The following PCDHGA7 variants were observed in gnomAD, a reference collection of about 807,000 sequenced individuals.
The protein encoded by PCDHGA7 is protocadherin gamma-A7.
Under a neutral mutation model 58.3 loss-of-function variants are expected in PCDHGA7, and 44 were observed. The ratio of observed to expected loss-of-function variants is 0.75; its 90% CI spans 0.59 to 0.97. PCDHGA7 has a LOEUF of 0.97. Among genes scored for constraint, PCDHGA7 ranks in the 50% least tolerant of loss-of-function variants. The probability of loss-of-function intolerance (pLI) is 0.00; values close to 1 mark genes in which losing one functional copy is unlikely to be tolerated. For synonymous variants in PCDHGA7, 516 were observed against 504.2 expected (o/e 1.02, Z -0.31); for missense variants, 1,266 against 1,188.7 (o/e 1.06, Z -0.96).
chr5:141,399,988 G>C, intron 1 of PCDHGA7: 1 of 1,612,442 alleles, frequency 6.2e-7, no homozygotes, highest in Non-Finnish European at 8.5e-7. Context: ...GCGCACAGGA[G>C]AGGTGCGCAC....
intron 1 of PCDHGA7, chr5:141,471,546 G>T (rs1271594387): frequency 6.6e-6 from 1 of 152,202 alleles, no homozygotes; most frequent in African/African-American, 2.4e-5. Flanking sequence ...AGCATTTAAG[G>T]TTGCTTTGAC....
chr5:141,509,447 C>T (rs898280593), intron 3 of PCDHGA7, among the ~76,000 whole-genome samples: 2 of 152,128 alleles, frequency 1.3e-5, no homozygotes, highest in Admixed American at 6.5e-5. Context: ...CCTCCTCTCC[C>T]ACCCCCGACC....
chr5:141,425,478 G>A (rs2096877750), intron 1 of PCDHGA7, among the ~76,000 whole-genome samples: 1 of 152,148 alleles, frequency 6.6e-6, no homozygotes, highest in Admixed American at 6.5e-5. Flanking sequence ...AATTCCTATG[G>A]CAACCTACTA....
At chr5:141,403,565 G>A in intron 1 of PCDHGA7, 8 of 1,613,952 alleles carry the variant, frequency 5.0e-6, no homozygotes, top group Non-Finnish European at 6.8e-6. Context: ...CAGGGAGGAG[G>A]CAACTGCCCA....
intron 1 of PCDHGA7, chr5:141,394,137 G>A (rs1406338034): frequency 6.2e-6 from 10 of 1,613,902 alleles, no homozygotes; most frequent in East Asian, 2.2e-5. Context: ...CGCTCTGCAC[G>A]TGGCAGACAT....
Position 141,489,172 on chromosome 5 carries a change from T to G in PCDHGA7, c.2425-5635T>G. 1 of 1,199,026 alleles carries G rather than the reference T, an allele frequency of 8.3e-7. No individual in the cohort carries two copies. Among genetic ancestry groups the G allele is most frequent in the East Asian group, 2.4e-5 (1 of 42,106 alleles). The allele number at this position is 1,199,026 out of a possible 1,614,324, so 74.3% of individuals were successfully genotyped here. ...ACATAAGAGACTTCAGCTGCTGCATTCCAAGCCCTGGGTCTACCTTGGAGA... is the reference window on the plus strand; with the variant it reads ...ACATAAGAGACTTCAGCTGCTGCATGCCAAGCCCTGGGTCTACCTTGGAGA... On this transcript the variant is annotated intron_variant, in intron 1 of 3. Coordinates refer to ENST00000518325, the MANE Select transcript of PCDHGA7 (RefSeq NM_018920.4). This position sits in a 1 kb window ranked among gnomAD's most constrained non-coding sequence, Gnocchi z 4.5.
At position 141,489,335 on chromosome 5, in the gene PCDHGA7, G is replaced by C. The variant is rs138015049; in HGVS notation, c.2425-5472G>C. 1.4e-5 allele frequency: 22 copies of C among 1,607,364 alleles called. No individual in the cohort carries two copies. Among genetic ancestry groups the C allele is most frequent in the Non-Finnish European group, 1.9e-5 (22 of 1,175,842 alleles). The stretch of plus-strand genomic sequence containing the variant: ...TGGGGCTGGGTGTCTGGGCAGCTTC[G>C]TTACTCAGTGGTGGAGGAGTCTGAG... On this transcript the variant is annotated intron_variant, in intron 1 of 3. Transcript: ENST00000518325. This position sits in a 1 kb window ranked among gnomAD's most constrained non-coding sequence, Gnocchi z 4.5.
chr5:141,416,859 G>A (rs1411419006), intron 1 of PCDHGA7: 1 of 151,936 alleles, frequency 6.6e-6, no homozygotes, highest in South Asian at 2.1e-4. Context: ...ATTTTTTTCA[G>A]GTCAGTCAAC....
intron 1 of PCDHGA7, chr5:141,415,634 C>T: frequency 6.3e-7 from 1 of 1,589,948 alleles, no homozygotes; most frequent in East Asian, 2.3e-5. Flanking sequence ...TTCATTTTTA[C>T]TTTTGTTAAA....
chr5:141,455,737 A>T (rs1290390106), intron 1 of PCDHGA7, among the ~76,000 whole-genome samples: 1 of 152,162 alleles, frequency 6.6e-6, no homozygotes, highest in Non-Finnish European at 1.5e-5. Context: ...TTTGCATATC[A>T]AAGGTTGCTG....
chr5:141,441,343 C>T (rs2098240806), intron 1 of PCDHGA7: 1 of 152,368 alleles, frequency 6.6e-6, no homozygotes, highest in African/African-American at 2.4e-5. Flanking sequence ...TAATTAACTA[C>T]ATGCTTGTAA....
At chr5:141,412,935 G>T in intron 1 of PCDHGA7, 1 of 453,864 alleles carries the variant, frequency 2.2e-6, no homozygotes, top group East Asian at 3.4e-5. Flanking sequence ...AACTTCTTAG[G>T]ACTCTGAGCG....
At chr5:141,394,268 C>G in intron 1 of PCDHGA7, 1 of 1,613,946 alleles carries the variant, frequency 6.2e-7, no homozygotes, top group African/African-American at 1.3e-5. Flanking sequence ...AGGAGAATGC[C>G]CAGGTCACTT....
intron 2 of PCDHGA7, among the ~76,000 whole-genome samples, chr5:141,498,976 GGAAGGAAGGAAGGAA>G (rs1562186940): frequency 1.5e-4 from 2 of 13,010 alleles, no homozygotes; most frequent in Admixed American, 2.9e-3. Context: ...AGGGAGGGAA[GGAAGGAAGGAAGGAA>G]GGAAGGAAGG....
intron 1 of PCDHGA7, chr5:141,413,452 AGGATAGACC>A (rs2095643065): frequency 6.2e-7 from 1 of 1,614,124 alleles, no homozygotes; most frequent in Admixed American, 1.7e-5. Context: ...CACCGCGGGC[AGGATAGACC>A]GGGAGGAGCT....
Position 141,490,652 on chromosome 5 carries a change from C to T in PCDHGA7, c.2425-4155C>T, listed in dbSNP as rs1277273880. The T allele has an allele frequency of 1.2e-6, 2 of 1,614,208 alleles. No individual in the cohort carries two copies. The highest frequency in any genetic ancestry group is 1.7e-6 in the Non-Finnish European group (2 of 1,180,026). On this transcript the variant is annotated intron_variant, in intron 1 of 3. Coordinates refer to ENST00000518325, the MANE Select transcript of PCDHGA7 (RefSeq NM_018920.4). The surrounding 1 kb of genome is among the most constrained non-coding windows in gnomAD (Gnocchi z 5.4). ...ATCCTAGAAAACCGGCCTCCGGGCT[C>T]CCTTCTTTGCACTGTGGCTGCCTCA...
intron 1 of PCDHGA7, among the ~76,000 whole-genome samples, chr5:141,444,726 G>C (rs1296177763): frequency 6.6e-6 from 1 of 152,048 alleles, no homozygotes; most frequent in African/African-American, 2.4e-5. Flanking sequence ...TGGTGCCTTT[G>C]TTGAAAGTCA....
chr5:141,395,066 G>GACC, intron 1 of PCDHGA7: 1 of 1,614,136 alleles, frequency 6.2e-7, no homozygotes, highest in Non-Finnish European at 8.5e-7. Flanking sequence ...CTTTCCTGCA[G>GACC]ACCTATTCCC....
chr5:141,408,661 G>A (rs1462103250), intron 1 of PCDHGA7: 1 of 1,613,770 alleles, frequency 6.2e-7, no homozygotes, highest in Non-Finnish European at 8.5e-7. Context: ...CACGACTATC[G>A]CTTGACCCTG....
Sources: allele counts gnomAD v4.1 joint callset (sites outside exome capture counted in the v4.1 genomes callset), GRCh38; gene constraint gnomAD v4.1.1; non-coding constraint Gnocchi (gnomAD v3.1); transcripts MANE v1.5; gene names NCBI Gene and HGNC (gene_info 2026-07-23, HGNC 2026-07-21).